JMJD4: variants seen among roughly 807,000 people sequenced by gnomAD.
The protein encoded by JMJD4 is 2-oxoglutarate and iron-dependent oxygenase JMJD4.
In JMJD4, 34 loss-of-function variants were observed where a neutral mutation model predicts 36.3. The observed-to-expected ratio is 0.94, with a 90% CI of 0.71 to 1.25. The LOEUF (loss-of-function observed/expected upper bound fraction) is 1.25. Among genes scored for constraint, JMJD4 ranks in the 50% most tolerant of loss-of-function variants. JMJD4 has a pLI of 0.00. For synonymous variants in JMJD4, 269 were observed against 235.3 expected (o/e 1.14, Z -1.31); for missense variants, 584 against 559.1 (o/e 1.04, Z -0.45).
chr1:227,733,957 T>C lies in JMJD4; in HGVS notation c.504A>G (p.Ala168=). Residue 168 remains alanine (A), a synonymous_variant, in exon 3 of 6, where the codon GCA becomes GCG. Coordinates refer to ENST00000620518, the MANE Select transcript of JMJD4 (RefSeq NM_023007.3). The part of the protein sequence containing the change: ...SSDWLNEFWD[A]LDVDDYRFVY... Reference sequence around the variant, plus strand: ...CAAAGCGGTAGTCATCCACATCCAGTGCATCCCAGAACTCATTCAGCCAGT... The same window carrying C: ...CAAAGCGGTAGTCATCCACATCCAGCGCATCCCAGAACTCATTCAGCCAGT... 6.2e-7 allele frequency: 1 copy of C among 1,613,886 alleles called. No homozygotes were observed. The highest frequency in any genetic ancestry group is 8.5e-7 in the Non-Finnish European group (1 of 1,180,000).
At chr1:227,734,931 C>A (rs1200831285) in intron 1 of JMJD4, 81 bp downstream of exon 1, 4 of 1,518,344 alleles carry the variant, frequency 2.6e-6, no homozygotes, top group Non-Finnish European at 3.5e-6. Context: ...CTCCCTGGTG[C>A]CCCTCTCTAG....
intron 2 of JMJD4, 48 bp from the exon 3 acceptor site, chr1:227,734,080 G>A (rs768631657): frequency 4.4e-6 from 7 of 1,594,560 alleles, no homozygotes; most frequent in Admixed American, 1.7e-5. Context: ...GAGGCACGAG[G>A]AGACTAGGGC....
intron 1 of JMJD4, 33 bp downstream of exon 1, chr1:227,734,979 C>T (rs1179032693): frequency 2.0e-6 from 3 of 1,507,990 alleles, no homozygotes; most frequent in Non-Finnish European, 2.7e-6. Flanking sequence ...CCGGCCTTTC[C>T]TCCCCGCCCG....
In JMJD4 at chr1:227,734,675, T is replaced by C; in HGVS notation, c.404A>G (p.Tyr135Cys). ...AGYSSPRGCL[Y>C]LKDWHLCRDF... is the part of the protein sequence containing the mutation. ...CCTGCACAAGTGCCAGTCTTTGAGG[T>C]AGAGACAGCCCCTGGGAGAGGAGTA... Residue 135 changes from tyrosine to cysteine, a missense_variant, in exon 2 of 6, where the codon TAC becomes TGC. By Grantham distance (194) the Tyr-to-Cys change is radical. Transcript: ENST00000620518. 5 of 1,614,056 alleles carry C rather than the reference T, an allele frequency of 3.1e-6. No homozygotes were observed. In the African/African-American group the frequency reaches 4.0e-5, roughly 13 times the overall value.
At chr1:227,733,052 G>T in intron 4 of JMJD4, 25 bp from the exon 5 acceptor site, 1 of 1,611,954 alleles carries the variant, frequency 6.2e-7, no homozygotes, top group Non-Finnish European at 8.5e-7. Context: ...GTGCAGGCAG[G>T]CCTGAGCCCA....
rs1571969722 is a variant in JMJD4, at chr1:227,735,032, T to G, written c.242A>C (p.Asp81Ala). 6.4e-7 allele frequency: 1 copy of G among 1,551,184 alleles called. No homozygotes were observed. The highest frequency in any genetic ancestry group is 8.7e-7 in the Non-Finnish European group (1 of 1,149,770). The stretch of plus-strand genomic sequence containing the variant: ...CCCACCGTAGGTCCGTAGCAGGTGG[T>G]CGAAGTCGGGCCTCCCCGCGGGCGT... ...WVTPAGRPDFDHLLRTYGDVV... is the reference protein window; with the variant it reads ...WVTPAGRPDFAHLLRTYGDVV... The change falls in exon 1 of 6, where the codon GAC (aspartate) becomes GCC (alanine). Residue 81 changes from aspartate (D) to alanine (A), a missense_variant. Transcript: ENST00000620518.
Position 227,733,552 on chromosome 1 carries a change from G to C in JMJD4, c.684C>G (p.Tyr228Ter). ...ALRDRHGNLP[Y>*]DVTSPALCDT... ...CGCAGAGTGCTGGGGAGGTCACGTC[G>C]TAGGGCAGGTTGCCGTGGCGGTCCC... Residue 228 changes from tyrosine to a stop codon, truncating the protein, a stop_gained, in exon 4 of 6, where the codon TAC becomes TAG. Transcript: ENST00000620518. LOFTEE classifies it high-confidence loss of function. The C allele has an allele frequency of 6.2e-7, 1 of 1,606,604 alleles. No homozygotes were observed. The highest frequency in any genetic ancestry group is 8.5e-7 in the Non-Finnish European group (1 of 1,177,536).
Position 227,735,166 on chromosome 1 carries a change from C to G in JMJD4, c.108G>C (p.Pro36=), listed in dbSNP as rs113736006. 1.9e-6 allele frequency: 3 copies of G among 1,579,938 alleles called. No individual in the cohort carries two copies. Among genetic ancestry groups the G allele is most frequent in the Non-Finnish European group, 1.7e-6 (2 of 1,163,846 alleles). ...APGRVAFVSE[P]GAFSYADFVR... ...CAAAGTCGGCGTAGGAGAAGGCGCC[C>G]GGCTCCGAGACGAAGGCTACCCGGC... The change falls in exon 1 of 6, where the codon CCG becomes CCC. Residue 36 remains proline (P), a synonymous_variant. Coordinates refer to ENST00000620518, the MANE Select transcript of JMJD4 (RefSeq NM_023007.3).
intron 2 of JMJD4, 35 bp from the exon 3 acceptor site, chr1:227,734,067 C>G (rs921661232): frequency 4.4e-6 from 7 of 1,601,960 alleles, no homozygotes; most frequent in South Asian, 1.1e-5. Context: ...ACCGACAGCA[C>G]GTGAGGCACG....
At chr1:227,733,170 A>T in intron 4 of JMJD4, 143 bp from the exon 5 acceptor site, 1 of 1,010,718 alleles carries the variant, frequency 9.9e-7, no homozygotes, top group Non-Finnish European at 1.4e-6. Context: ...GGGCTTGCTC[A>T]GCAGGGAAGT....
chr1:227,733,016 G>A lies in JMJD4; in HGVS notation c.834C>T (p.Ile278=), dbSNP rs1167395635. Residue 278 remains isoleucine (I), a synonymous_variant, in exon 5 of 6, where the codon ATC becomes ATT. Transcript: ENST00000620518. ...CATTGACCCAGTTGTGGTTGATGGAGATGGTGTCATCCTGGAAGGGGCACA... is the reference window on the plus strand; with the variant it reads ...CATTGACCCAGTTGTGGTTGATGGAAATGGTGTCATCCTGGAAGGGGCACA... ...HHQVHNLDDT[I]SINHNWVNGF... 6.2e-7 allele frequency: 1 copy of A among 1,613,392 alleles called. No homozygotes were observed. Among genetic ancestry groups the A allele is most frequent in the Non-Finnish European group, 8.5e-7 (1 of 1,180,018 alleles).
rs1660943826 is a variant in JMJD4 at position 227,734,686 on chromosome 1, C to G, written c.393G>C (p.Arg131Ser). The stretch of plus-strand genomic sequence containing the variant: ...GCCAGTCTTTGAGGTAGAGACAGCC[C>G]CTGGGAGAGGAGTAGCCCGCCTGTA... ...EYIQAGYSSP[R>S]GCLYLKDWHL... The change falls in exon 2 of 6, where the codon AGG becomes AGC. Residue 131 changes from arginine (R) to serine (S), a missense_variant. Physicochemically the swap from Arg to Ser is moderately radical, Grantham distance 110. Transcript: ENST00000620518. 6.2e-7 allele frequency: 1 copy of G among 1,614,018 alleles called. No homozygotes were observed. Among genetic ancestry groups the G allele is most frequent in the South Asian group, 1.1e-5 (1 of 91,090 alleles).
In JMJD4 at chr1:227,733,599, G is replaced by T. The variant is rs778389298; in HGVS notation, c.637C>A (p.Pro213Thr). ...TCCCGCAGGGCCTCTTCCTGCCCTG[G>T]GGGGAAGAGGAGCCACTTCTTCCTC... ...CGRKKWLLFP[P>T]GQEEALRDRH... is the part of the protein sequence containing the mutation. Residue 213 changes from proline to threonine, a missense_variant, in exon 4 of 6, where the codon CCA (proline) becomes ACA (threonine). Physicochemically the swap from Pro to Thr is conservative, Grantham distance 38. Transcript: ENST00000620518. The T allele has an allele frequency of 8.1e-6, 13 of 1,606,462 alleles. No individual in the cohort carries two copies. Among genetic ancestry groups the T allele is most frequent in the Middle Eastern group, 1.7e-4 (1 of 6,024 alleles).
chr1:227,732,141 G>A lies in JMJD4; in HGVS notation c.*251C>T. The stretch of plus-strand genomic sequence containing the variant: ...GGAGGCAGGGCCCCCAAAAGAGCCA[G>A]GTCCTGGCACCATCTCCGAGCTCCC... On this transcript the variant is annotated 3_prime_UTR_variant, in exon 6 of 6. Coordinates refer to ENST00000620518, the MANE Select transcript of JMJD4 (RefSeq NM_023007.3). 1.7e-6 allele frequency: 1 copy of A among 575,946 alleles called. No individual in the cohort carries two copies. The highest frequency in any genetic ancestry group is 2.9e-5 in the East Asian group (1 of 34,518). The allele number at this position is 575,946 out of a possible 1,614,324, so 35.7% of individuals were successfully genotyped here. A position where few individuals can be genotyped will look rare whatever the true frequency, so the allele number is the denominator to read the frequency against.
rs1571963811 is a variant in JMJD4 at position 227,733,545 on chromosome 1, T to G, written c.691A>C (p.Thr231Pro). Residue 231 changes from threonine to proline, a missense_variant, in exon 4 of 6, where the codon ACC (threonine) becomes CCC (proline). Transcript: ENST00000620518. ...TGTGTGTCGCAGAGTGCTGGGGAGGTCACGTCGTAGGGCAGGTTGCCGTGG... is the reference window on the plus strand; with the variant it reads ...TGTGTGTCGCAGAGTGCTGGGGAGGGCACGTCGTAGGGCAGGTTGCCGTGG... Reference protein sequence around the residue: ...DRHGNLPYDVTSPALCDTHLH... With the variant: ...DRHGNLPYDVPSPALCDTHLH... 6.2e-7 allele frequency: 1 copy of G among 1,604,470 alleles called. No homozygotes were observed. Among genetic ancestry groups the G allele is most frequent in the Non-Finnish European group, 8.5e-7 (1 of 1,176,064 alleles).
At chr1:227,734,193 C>CG (rs1276746374) in intron 2 of JMJD4, 161 bp from the exon 3 acceptor site, 24 of 775,172 alleles carry the variant, frequency 3.1e-5, no homozygotes, top group Non-Finnish European at 4.2e-5. Context: ...ACGCTGCTGG[C>CG]GGGGGAGGGG....
Position 227,735,225 on chromosome 1 carries a change from C to T in JMJD4, c.49G>A (p.Gly17Arg), listed in dbSNP as rs757921934. The T allele has an allele frequency of 4.4e-6, 7 of 1,595,780 alleles. No individual in the cohort carries two copies. The highest frequency in any genetic ancestry group is 1.7e-5 in the Admixed American group (1 of 58,402). Residue 17 changes from glycine (G) to arginine (R), a missense_variant, in exon 1 of 6, where the codon GGG becomes AGG. Transcript: ENST00000620518. ...TGGCCGACGCCGGGGACATCGACCC[C>T]CAGGCCTCGGAAGTGGCTGTCGGCG... is the stretch of plus-strand genomic sequence containing the variant. ...ALADSHFRGL[G>R]VDVPGVGQAP...
rs1396196474 is a variant in JMJD4 at position 227,732,515 on chromosome 1, C to T, written c.1131G>A (p.Glu377=). 6.2e-7 allele frequency: 1 copy of T among 1,613,278 alleles called. No homozygotes were observed. Among genetic ancestry groups the T allele is most frequent in the Non-Finnish European group, 8.5e-7 (1 of 1,180,048 alleles). The change falls in exon 6 of 6, where the codon GAG becomes GAA. Residue 377 remains glutamate, a synonymous_variant. Transcript: ENST00000620518. ...QAAFDVGRIT[E]VLASLVAHPD... ...GGTGCGCAACCAAGGAGGCCAGCAC[C>T]TCTGTGATGCGCCCAACATCAAAGG...
At position 227,733,605 on chromosome 1, in the gene JMJD4, A is replaced by G; in HGVS notation, c.631T>C (p.Phe211Leu). The G allele has an allele frequency of 6.2e-7, 1 of 1,606,132 alleles. No individual in the cohort carries two copies. Among genetic ancestry groups the G allele is most frequent in the Non-Finnish European group, 8.5e-7 (1 of 1,178,710 alleles). The part of the protein sequence containing the change: ...NVCGRKKWLL[F>L]PPGQEEALRD... ...AGGGCCTCTTCCTGCCCTGGGGGGA[A>G]GAGGAGCCACTTCTTCCTCCCACAG... The change falls in exon 4 of 6, where the codon TTC becomes CTC. Residue 211 changes from phenylalanine to leucine, a missense_variant. Physicochemically the swap from Phe to Leu is conservative, Grantham distance 22. Coordinates refer to ENST00000620518, the MANE Select transcript of JMJD4 (RefSeq NM_023007.3).
Sources: gnomAD v4.1 joint callset for allele counts on GRCh38, gnomAD v4.1.1 for gene constraint, MANE v1.5 for transcripts, NCBI Gene and HGNC (gene_info 2026-07-23, HGNC 2026-07-21) for gene names.